FN1: variants seen among roughly 807,000 people sequenced by gnomAD.
The protein encoded by FN1 is fibronectin.
In FN1, 106 loss-of-function variants were observed where a neutral mutation model predicts 297.3. The observed-to-expected ratio is 0.36, with a 90% CI of 0.30 to 0.42. FN1 has a LOEUF of 0.42. FN1 is among the 10% of genes least tolerant of loss of function. The pLI is 1.00. For synonymous variants in FN1, 1,149 were observed against 1,152.6 expected, an observed-to-expected ratio of 1.00 and a Z score of 0.06; for missense variants, 2,690 against 3,124.9, an observed-to-expected ratio of 0.86 and a Z score of 3.32.
chr2:215,426,517 G>A (rs2065465565), intron 6 of FN1, among the ~76,000 whole-genome samples: 1 of 152,076 alleles, frequency 6.6e-6, no homozygotes, highest in African/African-American at 2.4e-5. Context: ...CAGAATCAGG[G>A]CTGAGGCTAG....
At position 215,385,096 on chromosome 2, in the gene FN1, C is replaced by T. The variant is rs1250201; in HGVS notation, c.4613-120G>A. On this transcript the variant is annotated intron_variant, in intron 28 of 45. Transcript: ENST00000354785. ...CTTCCATACAATCATGTAAATACTA[C>T]GTGTAATTAGCAGAATTTTATATTA... The T allele has an allele frequency of 0.95, 702,332 of 739,548 alleles. 333,876 individuals are homozygous for T. Among genetic ancestry groups the T allele is most frequent in the East Asian group, 1 (36,829 of 36,838 alleles). The allele number at this position is 739,548 out of a possible 1,614,324, so 45.8% of individuals were successfully genotyped here.
chr2:215,406,391 T>G lies in FN1; in HGVS notation c.2833A>C (p.Asn945His). The G allele has an allele frequency of 6.2e-7, 1 of 1,614,190 alleles. No homozygotes were observed. Among genetic ancestry groups the G allele is most frequent in the Non-Finnish European group, 8.5e-7 (1 of 1,180,038 alleles). The change falls in exon 19 of 46, where the codon AAC becomes CAC. Residue 945 changes from asparagine to histidine, a missense_variant. Transcript: ENST00000354785. ...CTCTGCCCGTGCTCGCCAGGCAGGTTGACGGGGATCACATCCACACGGTAG... is the reference window on the plus strand; with the variant it reads ...CTCTGCCCGTGCTCGCCAGGCAGGTGGACGGGGATCACATCCACACGGTAG... ...TGYRVDVIPVNLPGEHGQRLP... is the reference protein window; with the variant it reads ...TGYRVDVIPVHLPGEHGQRLP...
chr2:215,375,496 G>T, intron 37 of FN1, 103 bp from the exon 38 acceptor site: 1 of 1,289,340 alleles, frequency 7.8e-7, no homozygotes, highest in Non-Finnish European at 1.1e-6. Context: ...AAGAATCTGA[G>T]AATACTGTAA....
chr2:215,364,098 A>G (rs1399609312), intron 44 of FN1, among the ~76,000 whole-genome samples: 1 of 152,204 alleles, frequency 6.6e-6, no homozygotes, highest in Non-Finnish European at 1.5e-5. Flanking sequence ...CCAGAACTGT[A>G]TTTGTCAGAC....
intron 34 of FN1, among the ~76,000 whole-genome samples, chr2:215,378,907 G>T (rs2057772090): frequency 6.6e-6 from 1 of 152,130 alleles, no homozygotes. Flanking sequence ...ATCTAAAAGA[G>T]CTGCACAAAA....
At chr2:215,382,053 G>A (rs1323416194) in intron 32 of FN1, 159 bp downstream of exon 32, 1 of 641,158 alleles carries the variant, frequency 1.6e-6, no homozygotes, top group Non-Finnish European at 2.8e-6. Flanking sequence ...TTGGCACTGA[G>A]AAGGAAAAAA....
At chr2:215,387,968 A>G (rs904084358) in intron 27 of FN1, among the ~76,000 whole-genome samples, 1 of 152,218 alleles carries the variant, frequency 6.6e-6, no homozygotes, top group Non-Finnish European at 1.5e-5. Flanking sequence ...ATCTTCTTAG[A>G]AAATGTTTTT....
intron 10 of FN1, chr2:215,421,224 T>A (rs1346059994): frequency 7.7e-6 from 2 of 260,044 alleles, no homozygotes; most frequent in Non-Finnish European, 1.5e-5. Context: ...GGTGGTCTGG[T>A]CTCTGGAATA....
intron 8 of FN1, among the ~76,000 whole-genome samples, chr2:215,423,750 C>A (rs1487743639): frequency 1.1e-5 from 1 of 87,624 alleles, no homozygotes; most frequent in Non-Finnish European, 2.5e-5. Context: ...TTCCCCAGCA[C>A]CCCCCCCACA....
chr2:215,431,968 T>C lies in FN1; in HGVS notation c.416-4A>G, dbSNP rs1215038084. 1 of 1,614,126 alleles carries C rather than the reference T, an allele frequency of 6.2e-7. No individual in the cohort carries two copies. The highest frequency in any genetic ancestry group is 8.5e-7 in the Non-Finnish European group (1 of 1,179,994). On this transcript the variant is annotated splice_polypyrimidine_tract_variant and splice_region_variant and intron_variant, in intron 3 of 45. Coordinates refer to ENST00000354785, the MANE Select transcript of FN1 (RefSeq NM_212482.4). ...TGACCCCCTTCATGGCAGCGGTCTG[T>C]TGAAGATACAACGAAAATGTTAGGA...
intron 13 of FN1, chr2:215,414,565 C>CA (rs949158923): frequency 1.7e-5 from 10 of 594,312 alleles, no homozygotes; most frequent in Admixed American, 1.2e-4. Flanking sequence ...TAAGTCCTTG[C>CA]AAAAAAGATT....
intron 13 of FN1, 47 bp from the exon 14 acceptor site, chr2:215,410,161 A>G: frequency 6.6e-7 from 1 of 1,512,680 alleles, no homozygotes; most frequent in Non-Finnish European, 9.0e-7. Flanking sequence ...ACGTGTTTAC[A>G]AGGATGAACA....
chr2:215,375,507 AC>A (rs1443760064), intron 37 of FN1, 114 bp from the exon 38 acceptor site: 1 of 1,268,488 alleles, frequency 7.9e-7, no homozygotes, highest in Non-Finnish European at 1.1e-6. Flanking sequence ...AATACTGTAA[AC>A]CGGAAACAAG....
chr2:215,365,404 A>G lies in FN1; in HGVS notation c.7144+101T>C, dbSNP rs535125262. The stretch of plus-strand genomic sequence containing the variant: ...GAAACCCACTGTTCACTCCTCAAGG[A>G]GACCTAAAGTCTCCAATCATTTCTG... On this transcript the variant is annotated intron_variant, in intron 43 of 45. Transcript: ENST00000354785. 92 of 1,282,018 alleles carry G rather than the reference A, an allele frequency of 7.2e-5. No homozygotes were observed. The African/African-American group carries it at 1.2e-3, about 16-fold the overall frequency. 79.4% of individuals were successfully genotyped at this position (1,282,018 alleles called of 1,614,324 possible). A position where few individuals can be genotyped will look rare whatever the true frequency, so the allele number is the denominator to read the frequency against.
intron 15 of FN1, 60 bp downstream of exon 15, chr2:215,409,503 C>T (rs533344662): frequency 1.9e-6 from 3 of 1,556,046 alleles, no homozygotes; most frequent in East Asian, 2.2e-5. Context: ...CACCCACCCC[C>T]ACAAGGAGAG....
Position 215,375,709 on chromosome 2 carries a change from G to A in FN1, c.5897C>T (p.Pro1966Leu). 2 of 1,606,806 alleles carry A rather than the reference G, an allele frequency of 1.2e-6. No homozygotes were observed. Among genetic ancestry groups the A allele is most frequent in the Non-Finnish European group, 1.7e-6 (2 of 1,173,404 alleles). Reference sequence around the variant, plus strand: ...CAGGTAGATCTTGTAGTCAGTGCCTGGTTGTAAACCTGGGATTTGAGAAGA... The same window carrying A: ...CAGGTAGATCTTGTAGTCAGTGCCTAGTTGTAAACCTGGGATTTGAGAAGA... ...VRSYTITGLQ[P>L]GTDYKIYLYT... The change falls in exon 37 of 46, where the codon CCA becomes CTA. Residue 1966 changes from proline (P) to leucine (L), a missense_variant. Around this residue, in one of 3 missense-constraint regions of FN1, gnomAD observed 1,743 missense variants for 1,945.2 expected, o/e 0.90. Transcript: ENST00000354785.
intron 26 of FN1, among the ~76,000 whole-genome samples, chr2:215,390,467 G>A (rs548533057): frequency 6.6e-5 from 10 of 152,268 alleles, no homozygotes; most frequent in African/African-American, 2.2e-4. Context: ...TTATACAGGC[G>A]AGAGCCACTG....
Position 215,391,985 on chromosome 2 carries a change from A to C in FN1, c.4070-171T>G, listed in dbSNP as rs2059761476. 32 of 636,778 alleles carry C rather than the reference A, an allele frequency of 5.0e-5. No homozygotes were observed. The South Asian group carries it at 5.9e-4, about 12-fold the overall frequency. The allele number at this position is 636,778 out of a possible 1,614,324, so 39.4% of individuals were successfully genotyped here. ...GTTATAGTGTACTACTGTTAAAAAT[A>C]AAACACTACACACAGTACTGTTAGG... On this transcript the variant is annotated intron_variant, in intron 25 of 45. Transcript: ENST00000354785.
In FN1 at chr2:215,372,149, G is replaced by T. The variant is rs771388856; in HGVS notation, c.6474C>A (p.Thr2158=). The T allele has an allele frequency of 6.2e-7, 1 of 1,614,190 alleles. No individual in the cohort carries two copies. The highest frequency in any genetic ancestry group is 8.5e-7 in the Non-Finnish European group (1 of 1,180,038). The change falls in exon 40 of 46, where the codon ACC becomes ACA. Residue 2158 remains threonine, a synonymous_variant. Transcript: ENST00000354785. ...ATGGTCTTGGCCTATGCCTTATGGGGGTGGCCGTTGTGGGCGGTGTGGTCC... is the reference window on the plus strand; with the variant it reads ...ATGGTCTTGGCCTATGCCTTATGGGTGTGGCCGTTGTGGGCGGTGTGGTCC... ...FRRTTPPTTA[T]PIRHRPRPYP...
Sources: gnomAD v4.1 joint callset for allele counts (sites outside exome capture counted in the v4.1 genomes callset) on GRCh38, gnomAD v4.1.1 for gene constraint, gnomAD v4.1.1 regional missense constraint, MANE v1.5 for transcripts, NCBI Gene and HGNC (gene_info 2026-07-23, HGNC 2026-07-21) for gene names.